TENT2: variants seen among roughly 807,000 people sequenced by gnomAD.
TENT2 encodes the protein terminal nucleotidyltransferase 2.
Under a neutral mutation model 72.2 loss-of-function variants are expected in TENT2, and 44 were observed. The ratio of observed to expected loss-of-function variants is 0.61; its 90% CI spans 0.48 to 0.78. The LOEUF (loss-of-function observed/expected upper bound fraction) is 0.78, where lower values mean the gene tolerates loss of function less well. Among genes scored for constraint, TENT2 ranks in the 30% least tolerant of loss-of-function variants. The pLI is 0.00. For synonymous variants in TENT2, 212 were observed against 192.5 expected, an observed-to-expected ratio of 1.10 and a Z score of -0.84; for missense variants, 541 against 569.6, an observed-to-expected ratio of 0.95 and a Z score of 0.51.
chr5:79,687,443 C>A lies in TENT2; in HGVS notation c.*2170C>A, dbSNP rs1202022645. 2.0e-5 allele frequency among the ~76,000 whole-genome samples: 3 copies of A among 152,138 alleles called. No individual in the cohort carries two copies. The highest frequency in any genetic ancestry group is 4.4e-5 in the Non-Finnish European group (3 of 68,022). ...TCAGATACCAAAATCCACAGATACT[C>A]AAGTCCCTTATATAAAATGGTGTAG... On this transcript the variant is annotated 3_prime_UTR_variant, in exon 15 of 15. Coordinates refer to ENST00000453514, the MANE Select transcript of TENT2 (RefSeq NM_001114394.3).
intron 4 of TENT2, among the ~76,000 whole-genome samples, chr5:79,629,380 G>A (rs1773177457): frequency 6.6e-6 from 1 of 152,214 alleles, no homozygotes; most frequent in Admixed American, 6.5e-5. Flanking sequence ...AAACAAAAGT[G>A]ACAGTTGAAA....
At chr5:79,613,351 A>C (rs576941074) in intron 1 of TENT2, among the ~76,000 whole-genome samples, 1 of 152,342 alleles carries the variant, frequency 6.6e-6, no homozygotes, top group Non-Finnish European at 1.5e-5. Flanking sequence ...ATTTTTCATT[A>C]GGGTGAACAG....
Position 79,656,308 on chromosome 5 carries a change from A to T in TENT2, c.1028-650A>T, listed in dbSNP as rs944102086. On this transcript the variant is annotated intron_variant, in intron 10 of 14. Transcript: ENST00000453514. ...ACACAAATATGGTGATAACATGAGG[A>T]TATAATTTCTTTGTATGAAATTTTA... is the stretch of plus-strand genomic sequence containing the variant. Among the ~76,000 whole-genome samples the T allele has an allele frequency of 2.0e-5, 3 of 151,968 alleles. No homozygotes were observed. The East Asian group carries it at 5.8e-4, about 29-fold the overall frequency.
chr5:79,656,863 C>G lies in TENT2; in HGVS notation c.1028-95C>G. 3.8e-6 allele frequency: 3 copies of G among 792,650 alleles called. No individual in the cohort carries two copies. The Admixed American group carries it at 7.4e-5, about 20-fold the overall frequency. 49.1% of individuals were successfully genotyped at this position (792,650 alleles called of 1,614,324 possible). On this transcript the variant is annotated intron_variant, in intron 10 of 14. Coordinates refer to ENST00000453514, the MANE Select transcript of TENT2 (RefSeq NM_001114394.3). ...AAATTGTTGAATTTTAGCATAAACC[C>G]TTATGGTCTTATACCTGGGATGTAG... is the stretch of plus-strand genomic sequence containing the variant.
At chr5:79,662,163 G>A (rs60449834) in intron 11 of TENT2, among the ~76,000 whole-genome samples, 10,121 of 152,216 alleles carry the variant, frequency 0.066, 467 homozygotes, top group South Asian at 0.13. Flanking sequence ...ATCTGTTAAA[G>A]TTTTATCATG....
At chr5:79,619,955 A>G in intron 2 of TENT2, 39 bp from the exon 3 acceptor site, 1 of 1,499,058 alleles carries the variant, frequency 6.7e-7, no homozygotes, top group Non-Finnish European at 9.0e-7. Flanking sequence ...TAAAGAAAAA[A>G]TATGTATAAA....
chr5:79,681,919 A>C (rs1822302523), intron 13 of TENT2, 63 bp from the exon 14 acceptor site: 2 of 1,410,910 alleles, frequency 1.4e-6, no homozygotes, highest in South Asian at 2.6e-5. Context: ...TATCAAACCT[A>C]AAAAAGAAAC....
intron 6 of TENT2, among the ~76,000 whole-genome samples, chr5:79,641,898 A>G (rs1202249819): frequency 6.6e-6 from 1 of 151,876 alleles, no homozygotes; most frequent in Non-Finnish European, 1.5e-5. Flanking sequence ...TCCTTTGAGT[A>G]TCATGTCAGC....
At chr5:79,633,779 G>A (rs1263472783) in intron 4 of TENT2, among the ~76,000 whole-genome samples, 1 of 151,000 alleles carries the variant, frequency 6.6e-6, no homozygotes, top group Non-Finnish European at 1.5e-5. Context: ...TCAGGGACAG[G>A]TGGTGAACTG....
intron 8 of TENT2, 29 bp from the exon 9 acceptor site, chr5:79,648,588 T>A (rs772646744): frequency 7.1e-7 from 1 of 1,415,070 alleles, no homozygotes; most frequent in South Asian, 1.3e-5. Context: ...AGCTAAAGTT[T>A]ATTTATTTAT....
intron 4 of TENT2, 187 bp downstream of exon 4, chr5:79,623,676 A>T: frequency 7.2e-6 from 3 of 416,652 alleles, no homozygotes; most frequent in Non-Finnish European, 1.3e-5. Context: ...CTTTTATAGA[A>T]ATGCAGCCAT....
At chr5:79,637,964 A>T (rs1484060589) in intron 4 of TENT2, among the ~76,000 whole-genome samples, 4 of 151,388 alleles carry the variant, frequency 2.6e-5, no homozygotes, top group Non-Finnish European at 5.9e-5. Flanking sequence ...TTCCCGGCTA[A>T]TTTTTTTGTA....
chr5:79,638,391 C>T (rs1001822626), intron 4 of TENT2, among the ~76,000 whole-genome samples: 5 of 152,010 alleles, frequency 3.3e-5, no homozygotes, highest in African/African-American at 1.2e-4. Context: ...TACACCTTTC[C>T]TTTTCTCCTG....
chr5:79,683,138 C>T (rs1223339299), intron 14 of TENT2, among the ~76,000 whole-genome samples: 1 of 151,872 alleles, frequency 6.6e-6, no homozygotes, highest in African/African-American at 2.4e-5. Flanking sequence ...GAGTGAGAGA[C>T]TCCACCTCTA....
intron 6 of TENT2, among the ~76,000 whole-genome samples, chr5:79,641,770 T>C (rs1288444739): frequency 6.6e-6 from 1 of 152,006 alleles, no homozygotes; most frequent in African/African-American, 2.4e-5. Flanking sequence ...GAGTATTCAT[T>C]ATCTAAAATG....
At chr5:79,655,821 C>T (rs1797562336) in intron 10 of TENT2, among the ~76,000 whole-genome samples, 1 of 151,366 alleles carries the variant, frequency 6.6e-6, no homozygotes, top group African/African-American at 2.4e-5. Context: ...TTATTTTATG[C>T]CAGTTTTCAA....
In TENT2 at chr5:79,687,600, CAAAA is replaced by C. The variant is rs1826434947; in HGVS notation, c.*2329_*2332del. 6.6e-6 allele frequency among the ~76,000 whole-genome samples: 1 copy of C among 152,118 alleles called. No individual in the cohort carries two copies. The highest frequency in any genetic ancestry group is 1.5e-5 in the Non-Finnish European group (1 of 68,020). ...TGTTTAGGGAATAATAATGACAAGACAAAAAGTCTATACCTGTTCGGTACAGATG... is the reference window on the plus strand; with the variant it reads ...TGTTTAGGGAATAATAATGACAAGACAGTCTATACCTGTTCGGTACAGATG... On this transcript the variant is annotated 3_prime_UTR_variant, in exon 15 of 15. Transcript: ENST00000453514.
chr5:79,636,195 T>C (rs889456611), intron 4 of TENT2, among the ~76,000 whole-genome samples: 2 of 152,208 alleles, frequency 1.3e-5, no homozygotes, highest in Non-Finnish European at 2.9e-5. Flanking sequence ...GTTACAAACT[T>C]GGACACTTTT....
chr5:79,622,255 C>T (rs527917708), intron 3 of TENT2, among the ~76,000 whole-genome samples: 32 of 152,136 alleles, frequency 2.1e-4, no homozygotes, highest in African/African-American at 7.0e-4. Context: ...TGAGCTGAGA[C>T]TGTGCCACTG....
Sources: gnomAD v4.1 joint callset for allele counts (sites outside exome capture counted in the v4.1 genomes callset) on GRCh38, gnomAD v4.1.1 for gene constraint, MANE v1.5 for transcripts, NCBI Gene and HGNC (gene_info 2026-07-23, HGNC 2026-07-21) for gene names.